The following PCDHGB1 variants were observed in gnomAD, a reference collection of about 807,000 sequenced individuals.
PCDHGB1 encodes the protein protocadherin gamma-B1.
A neutral mutation model predicts 56.6 loss-of-function variants in PCDHGB1; 34 were observed. The observed-to-expected ratio is 0.60, with a 90% CI of 0.46 to 0.80. The LOEUF is 0.80. Among genes scored for constraint, PCDHGB1 ranks in the 30% least tolerant of loss-of-function variants. PCDHGB1 has a pLI of 0.00. For missense variants in PCDHGB1, 1,278 were observed against 1,204.6 expected (o/e 1.06, Z -0.90); for synonymous variants, 561 against 505.9 (o/e 1.11, Z -1.46).
chr5:141,483,213 C>T (rs1343903817), intron 1 of PCDHGB1, among the ~76,000 whole-genome samples: 1 of 152,142 alleles, frequency 6.6e-6, no homozygotes, highest in Non-Finnish European at 1.5e-5. Flanking sequence ...ATATAGATGA[C>T]AGTCACTGCA....
intron 1 of PCDHGB1, among the ~76,000 whole-genome samples, chr5:141,451,829 C>T (rs564970982): frequency 1.2e-4 from 18 of 151,422 alleles, no homozygotes; most frequent in African/African-American, 4.1e-4. Flanking sequence ...TACAGTGAGC[C>T]GAGATCACAC....
intron 1 of PCDHGB1, chr5:141,419,023 A>C: frequency 6.2e-7 from 1 of 1,613,958 alleles, no homozygotes; most frequent in East Asian, 2.2e-5. Context: ...GCTTAAGTAG[A>C]GGTGTTCCAT....
chr5:141,413,218 A>G, intron 1 of PCDHGB1: 1 of 1,613,610 alleles, frequency 6.2e-7, no homozygotes. Flanking sequence ...AAAGGATTGC[A>G]GCGGGCTGGT....
chr5:141,397,975 G>T, intron 1 of PCDHGB1: 4 of 1,189,018 alleles, frequency 3.4e-6, no homozygotes, highest in Non-Finnish European at 4.6e-6. Flanking sequence ...CCCCAGCGCC[G>T]GCCTTTACAC....
intron 1 of PCDHGB1, chr5:141,379,423 A>G (rs1261037274): frequency 3.3e-5 from 5 of 152,260 alleles, no homozygotes. Context: ...CTCATGAGTT[A>G]GATGGGCTGT....
chr5:141,446,043 A>T (rs1374577548), intron 1 of PCDHGB1, among the ~76,000 whole-genome samples: 2 of 152,226 alleles, frequency 1.3e-5, no homozygotes, highest in Non-Finnish European at 2.9e-5. Flanking sequence ...AAATGGAAGA[A>T]GAGCTGGCTT....
In PCDHGB1 at chr5:141,394,778, C is replaced by T. The variant is rs377451053; in HGVS notation, c.2409+42109C>T. ...AGGACCATGGCCAGCCCCCTCTCTC[C>T]GCCACTGTCACGCTCACCGTAGCCG... On this transcript the variant is annotated intron_variant, in intron 1 of 3. Transcript: ENST00000523390. 8 of 1,613,514 alleles carry T rather than the reference C, an allele frequency of 5.0e-6. No individual in the cohort carries two copies. In the South Asian group the frequency reaches 7.7e-5, roughly 15 times the overall value.
At chr5:141,412,204 T>G (rs2095542280) in intron 1 of PCDHGB1, 1 of 152,240 alleles carries the variant, frequency 6.6e-6, no homozygotes, top group Admixed American at 6.5e-5. Context: ...ACAGGTCATT[T>G]GACATAAACA....
chr5:141,424,140 C>A, intron 1 of PCDHGB1: 1 of 356,082 alleles, frequency 2.8e-6, no homozygotes, highest in Non-Finnish European at 4.1e-6. Flanking sequence ...TAATAGCATG[C>A]TCCCTCTAGC....
At chr5:141,442,682 T>C (rs1591733469) in intron 1 of PCDHGB1, among the ~76,000 whole-genome samples, 1 of 152,218 alleles carries the variant, frequency 6.6e-6, no homozygotes, top group East Asian at 1.9e-4. Context: ...TGAGGGACAG[T>C]AGTCAGGCAG....
In PCDHGB1 at chr5:141,485,865, C is replaced by T. The variant is rs1214425261; in HGVS notation, c.2410-8942C>T. The stretch of plus-strand genomic sequence containing the variant: ...TCTGGCACCGCAGAGCTCCGGGTAT[C>T]CGTGCTGGACGTAAACGACAACGCC... On this transcript the variant is annotated intron_variant, in intron 1 of 3. Transcript: ENST00000523390. The surrounding 1 kb of genome is among the most constrained non-coding windows in gnomAD (Gnocchi z 5.7). 23 of 1,614,182 alleles carry T rather than the reference C, an allele frequency of 1.4e-5. No homozygotes were observed. Among genetic ancestry groups the T allele is most frequent in the Non-Finnish European group, 1.8e-5 (21 of 1,180,034 alleles).
intron 1 of PCDHGB1, among the ~76,000 whole-genome samples, chr5:141,475,237 G>C (rs2099360785): frequency 6.6e-6 from 1 of 152,234 alleles, no homozygotes. Flanking sequence ...AAACGATAGA[G>C]AGAGTGTGCT....
intron 1 of PCDHGB1, chr5:141,409,439 G>C: frequency 6.2e-7 from 1 of 1,613,998 alleles, no homozygotes; most frequent in Non-Finnish European, 8.5e-7. Flanking sequence ...CCTGGACCGA[G>C]AGCAGACACC....
At position 141,487,398 on chromosome 5, in the gene PCDHGB1, G is replaced by A. The variant is rs1342197934; in HGVS notation, c.2410-7409G>A. 1.9e-6 allele frequency: 3 copies of A among 1,613,926 alleles called. No individual in the cohort carries two copies. The African/African-American group carries it at 4.0e-5, about 22-fold the overall frequency. ...CTCACCAGATCTCGAAGGAGGGAGGGGCTTCCCCCTTCCAATGGGATCCTC... is the reference window on the plus strand; with the variant it reads ...CTCACCAGATCTCGAAGGAGGGAGGAGCTTCCCCCTTCCAATGGGATCCTC... On this transcript the variant is annotated intron_variant, in intron 1 of 3. Transcript: ENST00000523390. The surrounding 1 kb of genome is among the most constrained non-coding windows in gnomAD (Gnocchi z 5.0).
At chr5:141,355,920 C>T (rs1760043730) in intron 1 of PCDHGB1, 1 of 1,613,790 alleles carries the variant, frequency 6.2e-7, no homozygotes, top group Non-Finnish European at 8.5e-7. Context: ...ATAATGCTCC[C>T]GTGTTCACTC....
chr5:141,386,967 T>C (rs1397962065), intron 1 of PCDHGB1, among the ~76,000 whole-genome samples: 1 of 152,204 alleles, frequency 6.6e-6, no homozygotes, highest in Non-Finnish European at 1.5e-5. Flanking sequence ...CAGATCTCAG[T>C]GACTTTGTGT....
At chr5:141,412,060 C>G (rs1191231135) in intron 1 of PCDHGB1, 2 of 152,154 alleles carry the variant, frequency 1.3e-5, no homozygotes, top group African/African-American at 2.4e-5. Context: ...ATACCCTTTG[C>G]ATTTGAGGGA....
At chr5:141,373,971 C>A in intron 1 of PCDHGB1, 2 of 1,026,814 alleles carry the variant, frequency 1.9e-6, no homozygotes, top group Non-Finnish European at 2.7e-6. Flanking sequence ...AAACGCTTCG[C>A]ATCCGGTCTC....
chr5:141,370,699 G>T, intron 1 of PCDHGB1: 3 of 1,613,804 alleles, frequency 1.9e-6, no homozygotes, highest in Non-Finnish European at 2.5e-6. Context: ...AAGTCGACGT[G>T]TGTTCTGGAA....
Sources: gnomAD v4.1 joint callset for allele counts (sites outside exome capture counted in the v4.1 genomes callset) on GRCh38, gnomAD v4.1.1 for gene constraint, Gnocchi (gnomAD v3.1) non-coding constraint, MANE v1.5 for transcripts, NCBI Gene and HGNC (gene_info 2026-07-23, HGNC 2026-07-21) for gene names.